DENND1A: variants seen among roughly 807,000 people sequenced by gnomAD.
DENND1A encodes the protein DENN domain containing 1A.
Under a neutral mutation model 113.7 loss-of-function variants are expected in DENND1A, and 51 were observed. The ratio of observed to expected loss-of-function variants is 0.45; its 90% CI spans 0.36 to 0.57. DENND1A has a LOEUF of 0.57. Ranked by LOEUF, DENND1A falls within the 20% of genes least tolerant of loss-of-function variation. The pLI, the probability that DENND1A is intolerant of heterozygous loss-of-function variation, is 0.00. For synonymous variants in DENND1A, 565 were observed against 570.8 expected (o/e 0.99, Z 0.14); for missense variants, 1,258 against 1,395.9 (o/e 0.90, Z 1.57).
intron 13 of DENND1A, among the ~76,000 whole-genome samples, chr9:123,549,480 C>T (rs1397859777): frequency 6.6e-6 from 1 of 152,104 alleles, no homozygotes; most frequent in Non-Finnish European, 1.5e-5. Context: ...GAGGCTGAGT[C>T]AACCGAAATC....
intron 12 of DENND1A, among the ~76,000 whole-genome samples, chr9:123,558,995 C>T (rs913445709): frequency 3.3e-5 from 5 of 152,152 alleles, no homozygotes; most frequent in Admixed American, 6.5e-5. Context: ...GCTACTGTGA[C>T]GAGCCTGTAA....
chr9:123,554,825 T>C (rs1455929478), intron 13 of DENND1A, among the ~76,000 whole-genome samples: 1 of 152,212 alleles, frequency 6.6e-6, no homozygotes, highest in Admixed American at 6.5e-5. Context: ...TAATAGTACA[T>C]CTTATGACTG....
At chr9:123,872,868 C>G (rs1458596809) in intron 2 of DENND1A, among the ~76,000 whole-genome samples, 1 of 152,078 alleles carries the variant, frequency 6.6e-6, no homozygotes, top group Non-Finnish European at 1.5e-5. Context: ...AATTAAAGAC[C>G]CATAAAGTAG....
intron 10 of DENND1A, among the ~76,000 whole-genome samples, chr9:123,622,541 T>G (rs944792352): frequency 2.6e-5 from 4 of 152,184 alleles, no homozygotes; most frequent in African/African-American, 9.7e-5. Context: ...GAAGCTGACA[T>G]GAAGAATTTT....
intron 2 of DENND1A, among the ~76,000 whole-genome samples, chr9:123,796,221 A>G (rs1833739506): frequency 6.6e-6 from 1 of 152,198 alleles, no homozygotes; most frequent in South Asian, 2.1e-4. Flanking sequence ...TCACAGCACC[A>G]TGGCCATCAA....
chr9:123,722,361 T>C lies in DENND1A; in HGVS notation c.302+35342A>G, dbSNP rs116776134. Among the ~76,000 whole-genome samples, 738 of 152,182 alleles carry C rather than the reference T, an allele frequency of 4.8e-3. 6 individuals are homozygous for C. Among genetic ancestry groups the C allele is most frequent in the African/African-American group, 0.017 (693 of 41,524 alleles). ...AAAAATTTGCAGCCTGACAATACAA[T>C]AGAAAAGAAAATCCCATTTTGCTGA... On this transcript the variant is annotated intron_variant, in intron 5 of 23. Transcript: ENST00000394215.
intron 12 of DENND1A, among the ~76,000 whole-genome samples, chr9:123,569,779 C>T (rs973227848): frequency 2.6e-5 from 4 of 152,116 alleles, no homozygotes; most frequent in African/African-American, 7.2e-5. Flanking sequence ...TATCAGTAGA[C>T]GTGGGGTGGG....
chr9:123,783,876 G>A (rs1395422158), intron 3 of DENND1A, among the ~76,000 whole-genome samples: 6 of 152,208 alleles, frequency 3.9e-5, no homozygotes, highest in African/African-American at 1.4e-4. Context: ...AGCGTTCACA[G>A]ATTGATGAAG....
intron 13 of DENND1A, among the ~76,000 whole-genome samples, chr9:123,467,590 G>A (rs1241374194): frequency 1.3e-5 from 2 of 152,154 alleles, no homozygotes. Flanking sequence ...AGAAGGCAGA[G>A]GTTGCAGTGA....
intron 15 of DENND1A, among the ~76,000 whole-genome samples, chr9:123,456,340 T>C (rs1211042946): frequency 7.1e-6 from 1 of 140,440 alleles, no homozygotes; most frequent in East Asian, 1.9e-4. Flanking sequence ...TTGCCTTCGC[T>C]GCCAAAGACT....
At chr9:123,838,700 T>C (rs191173534) in intron 2 of DENND1A, among the ~76,000 whole-genome samples, 160 of 152,298 alleles carry the variant, frequency 1.1e-3, no homozygotes, top group Non-Finnish European at 1.8e-3. Context: ...AAATTTCTTT[T>C]TCCTTCTACA....
intron 5 of DENND1A, among the ~76,000 whole-genome samples, chr9:123,724,271 C>A (rs1406178992): frequency 1.3e-5 from 2 of 152,150 alleles, no homozygotes; most frequent in African/African-American, 4.8e-5. Flanking sequence ...GAGGGAGCAT[C>A]CAGGAGATCA....
chr9:123,731,737 T>C (rs953472102), intron 5 of DENND1A, among the ~76,000 whole-genome samples: 3 of 152,184 alleles, frequency 2.0e-5, no homozygotes, highest in East Asian at 1.9e-4. Flanking sequence ...TTTATCAAAA[T>C]TAAAATCATT....
intron 13 of DENND1A, among the ~76,000 whole-genome samples, chr9:123,541,859 A>G (rs2056312992): frequency 6.6e-6 from 1 of 152,164 alleles, no homozygotes; most frequent in Non-Finnish European, 1.5e-5. Context: ...ACAAATGAAA[A>G]ACCTGCGGTT....
intron 13 of DENND1A, among the ~76,000 whole-genome samples, chr9:123,487,532 C>T (rs7874009): frequency 0.05 from 7,552 of 152,270 alleles, 217 homozygotes; most frequent in East Asian, 0.071. Flanking sequence ...ATGCGCATGG[C>T]CCCCAAATGG....
chr9:123,621,551 A>G (rs1176780205), intron 10 of DENND1A, among the ~76,000 whole-genome samples: 2 of 152,208 alleles, frequency 1.3e-5, no homozygotes, highest in East Asian at 3.8e-4. Context: ...CTATATAGCT[A>G]TGAATAACAC....
At chr9:123,421,882 T>G (rs1349624432) in intron 19 of DENND1A, among the ~76,000 whole-genome samples, 1 of 152,114 alleles carries the variant, frequency 6.6e-6, no homozygotes, top group African/African-American at 2.4e-5. Context: ...GACCTGGCCC[T>G]GCCCCCGATA....
rs189784675 is a variant in DENND1A at position 123,764,386 on chromosome 9, G to A, written c.182+5128C>T. ...AGACACTTTTCCTTTCCTTCAGTGC[G>A]TATGAGGCATGAGGCAGGAATGAAG... On this transcript the variant is annotated intron_variant, in intron 4 of 23. Coordinates refer to ENST00000394215, the MANE Select transcript of DENND1A (RefSeq NM_001352964.2). The surrounding 1 kb of genome is among the most constrained non-coding windows in gnomAD (Gnocchi z 4.1). 2.0e-3 allele frequency among the ~76,000 whole-genome samples: 305 copies of A among 152,264 alleles called. No individual in the cohort carries two copies. The highest frequency in any genetic ancestry group is 7.1e-3 in the African/African-American group (293 of 41,534).
At chr9:123,440,206 C>T in intron 19 of DENND1A, 154 bp downstream of exon 19, 4 of 1,009,356 alleles carry the variant, frequency 4.0e-6, no homozygotes, top group East Asian at 3.1e-5. Context: ...AACATGTTTG[C>T]ACCAAATAAA....
Sources: allele counts gnomAD v4.1 joint callset (sites outside exome capture counted in the v4.1 genomes callset), GRCh38; gene constraint gnomAD v4.1.1; non-coding constraint Gnocchi (gnomAD v3.1); transcripts MANE v1.5; gene names NCBI Gene and HGNC (gene_info 2026-07-23, HGNC 2026-07-21).